The following DNAAF9 variants were observed in gnomAD, a reference collection of about 807,000 sequenced individuals.
DNAAF9 encodes the protein shulin.
Under a neutral mutation model 167.0 loss-of-function variants are expected in DNAAF9, and 90 were observed. That is an observed-to-expected ratio of 0.54 (90% CI 0.45 to 0.64). The LOEUF (loss-of-function observed/expected upper bound fraction) is 0.64, where lower values mean the gene tolerates loss of function less well. Ranked by LOEUF, DNAAF9 falls within the 30% of genes least tolerant of loss-of-function variation. DNAAF9 has a pLI of 0.00. For missense variants in DNAAF9, 1,315 were observed against 1,442.2 expected (o/e 0.91, Z 1.43); for synonymous variants, 491 against 508.8 (o/e 0.96, Z 0.47).
intron 6 of DNAAF9, chr20:3,361,782 T>G: frequency 9.0e-7 from 1 of 1,110,476 alleles, no homozygotes; most frequent in Admixed American, 2.6e-5. Context: ...TACTCTGAGG[T>G]CTACAAGACA....
At chr20:3,403,180 A>T (rs984398762) in intron 1 of DNAAF9, among the ~76,000 whole-genome samples, 3 of 151,944 alleles carry the variant, frequency 2.0e-5, no homozygotes, top group Non-Finnish European at 4.4e-5. Context: ...TCCCTTCCAC[A>T]TTGCCACATC....
rs115255701 is a variant in DNAAF9 at position 3,306,296 on chromosome 20, C to T, written c.1679-1753G>A. On this transcript the variant is annotated intron_variant, in intron 20 of 36. Coordinates refer to ENST00000252032, the MANE Select transcript of DNAAF9 (RefSeq NM_001009984.3). ...ATCCTCTGATGTCACTGAGCCTTCACAGTCATTGGTATTCGCATTTTCCCC... is the reference window on the plus strand; with the variant it reads ...ATCCTCTGATGTCACTGAGCCTTCATAGTCATTGGTATTCGCATTTTCCCC... 2.7e-3 allele frequency among the ~76,000 whole-genome samples: 412 copies of T among 152,310 alleles called. 1 individual carries two copies. Among genetic ancestry groups the T allele is most frequent in the African/African-American group, 9.3e-3 (386 of 41,572 alleles).
chr20:3,390,616 T>A (rs1359168295), intron 1 of DNAAF9, among the ~76,000 whole-genome samples: 1 of 152,162 alleles, frequency 6.6e-6, no homozygotes, highest in East Asian at 1.9e-4. Context: ...TTGCCCGCCT[T>A]GGCCTCCCAA....
At chr20:3,363,409 A>G (rs1247278422) in intron 6 of DNAAF9, among the ~76,000 whole-genome samples, 2 of 151,618 alleles carry the variant, frequency 1.3e-5, no homozygotes, top group African/African-American at 4.9e-5. Context: ...GGTTGCGGTG[A>G]GCCGAGACCA....
chr20:3,404,469 T>C (rs1438072729), intron 1 of DNAAF9, among the ~76,000 whole-genome samples: 1 of 152,246 alleles, frequency 6.6e-6, no homozygotes, highest in African/African-American at 2.4e-5. Context: ...CTGCCTTTTC[T>C]TCTTCTAGTG....
chr20:3,255,253 C>A lies in DNAAF9; in HGVS notation c.3293G>T (p.Gly1098Val). 1.3e-6 allele frequency: 2 copies of A among 1,551,112 alleles called. No homozygotes were observed. The highest frequency in any genetic ancestry group is 1.7e-6 in the Non-Finnish European group (2 of 1,146,568). Reference protein sequence around the residue: ...KPQRKALKTRGMLTQQEIRSI... With the variant: ...KPQRKALKTRVMLTQQEIRSI... ...CCTGATCTCCTGTTGCGTCAGCATC[C>A]CCCTGGTCTTCAGGGCTTTCCTCTG... Residue 1098 changes from glycine to valine, a missense_variant, in exon 35 of 37, where the codon GGG (glycine) becomes GTG (valine). This residue lies in a region of DNAAF9 where 334 missense variants were observed against 429.7 expected (regional missense o/e 0.78). Transcript: ENST00000252032.
At chr20:3,263,196 G>A (rs987584224) in intron 31 of DNAAF9, among the ~76,000 whole-genome samples, 6 of 151,934 alleles carry the variant, frequency 3.9e-5, no homozygotes, top group Non-Finnish European at 8.8e-5. Context: ...GGATGGTCTC[G>A]ATCTTCTGAC....
intron 6 of DNAAF9, among the ~76,000 whole-genome samples, chr20:3,372,562 T>C (rs755039886): frequency 6.6e-6 from 1 of 152,224 alleles, no homozygotes; most frequent in Non-Finnish European, 1.5e-5. Flanking sequence ...TGTGACTTCA[T>C]AGTGTGATGC....
In DNAAF9 at chr20:3,285,453, C is replaced by T. The variant is rs368461499; in HGVS notation, c.2486+2179G>A. On this transcript the variant is annotated intron_variant, in intron 27 of 36. Coordinates refer to ENST00000252032, the MANE Select transcript of DNAAF9 (RefSeq NM_001009984.3). ...CAGCACTCTGGGAGGCCAAGGCAGGCGGATCACTTGAGGTCAGGAGTTCAA... is the reference window on the plus strand; with the variant it reads ...CAGCACTCTGGGAGGCCAAGGCAGGTGGATCACTTGAGGTCAGGAGTTCAA... Among the ~76,000 whole-genome samples the T allele has an allele frequency of 2.8e-3, 422 of 152,118 alleles. 1 individual carries two copies. The highest frequency in any genetic ancestry group is 9.5e-3 in the African/African-American group (395 of 41,492).
intron 6 of DNAAF9, among the ~76,000 whole-genome samples, chr20:3,365,377 A>T (rs2083418157): frequency 1.6e-4 from 4 of 25,584 alleles, no homozygotes; most frequent in Admixed American, 1.0e-3. Context: ...ATAACATTTT[A>T]TTTATTTATT....
intron 20 of DNAAF9, among the ~76,000 whole-genome samples, chr20:3,305,619 T>C (rs1302941423): frequency 6.6e-6 from 1 of 152,144 alleles, no homozygotes; most frequent in African/African-American, 2.4e-5. Context: ...GGGTGAGGAA[T>C]CTGGAGACTG....
At chr20:3,294,319 A>C (rs2069024142) in intron 24 of DNAAF9, 63 bp from the exon 25 acceptor site, 1 of 1,131,108 alleles carries the variant, frequency 8.8e-7, no homozygotes, top group African/African-American at 1.6e-5. Flanking sequence ...GTGCCTACTC[A>C]CATGAAAAAG....
At position 3,271,225 on chromosome 20, in the gene DNAAF9, C is replaced by G. The variant is rs1027355115; in HGVS notation, c.2651-663G>C. On this transcript the variant is annotated intron_variant, in intron 29 of 36. Coordinates refer to ENST00000252032, the MANE Select transcript of DNAAF9 (RefSeq NM_001009984.3). ...CAGGAACTGGTGCCATTTACCTTCACCAGTTCAGAACAACACAATTATCAA... is the reference window on the plus strand; with the variant it reads ...CAGGAACTGGTGCCATTTACCTTCAGCAGTTCAGAACAACACAATTATCAA... 1.2e-4 allele frequency among the ~76,000 whole-genome samples: 18 copies of G among 152,294 alleles called. 1 individual carries two copies. Among genetic ancestry groups the G allele is most frequent in the Admixed American group, 9.8e-4 (15 of 15,284 alleles).
intron 10 of DNAAF9, 71 bp downstream of exon 10, chr20:3,340,433 T>TCCGGGGGGGGGGGCCCCCCCCCCCCCC: frequency 4.5e-6 from 1 of 221,214 alleles, no homozygotes; most frequent in Non-Finnish European, 9.5e-6. Flanking sequence ...TTTGTCTAGC[T>TCCGGGGGGGGGGGCCCCCCCCCCCCCC]CCCCCCACCC....
At position 3,281,769 on chromosome 20, in the gene DNAAF9, G is replaced by A. The variant is rs1354851728; in HGVS notation, c.2487-3C>T. ...CAACATCAATAACATCTGTGTAGCTGGGGAAGGTAAAAAAGGAATGATTAG... is the reference window on the plus strand; with the variant it reads ...CAACATCAATAACATCTGTGTAGCTAGGGAAGGTAAAAAAGGAATGATTAG... On this transcript the variant is annotated splice_polypyrimidine_tract_variant and splice_region_variant and intron_variant, in intron 27 of 36. Transcript: ENST00000252032. 7 of 1,606,744 alleles carry A rather than the reference G, an allele frequency of 4.4e-6. No homozygotes were observed. In the Admixed American group the frequency reaches 8.5e-5, roughly 20 times the overall value.
chr20:3,374,123 C>T lies in DNAAF9; in HGVS notation c.537G>A (p.Val179=), dbSNP rs1215774406. 6 of 1,613,328 alleles carry T rather than the reference C, an allele frequency of 3.7e-6. No individual in the cohort carries two copies. Among genetic ancestry groups the T allele is most frequent in the South Asian group, 1.1e-5 (1 of 91,072 alleles). ...AGGCCTGTACAATTGGCCATTTCTC[C>T]ACCACAAACATATCAAATATCTGCA... The part of the protein sequence containing the change: ...GHLQIFDMFV[V]EKWPIVQAFA... The change falls in exon 6 of 37, where the codon GTG becomes GTA. Residue 179 remains valine, a synonymous_variant. Coordinates refer to ENST00000252032, the MANE Select transcript of DNAAF9 (RefSeq NM_001009984.3).
intron 25 of DNAAF9, among the ~76,000 whole-genome samples, chr20:3,290,702 A>G (rs1343657177): frequency 1.3e-5 from 2 of 152,068 alleles, no homozygotes; most frequent in African/African-American, 4.8e-5. Flanking sequence ...GGTGTAGTAA[A>G]CTAGGGCAGA....
intron 1 of DNAAF9, among the ~76,000 whole-genome samples, chr20:3,395,263 G>A (rs1178739994): frequency 7.3e-6 from 1 of 137,174 alleles, no homozygotes; most frequent in Non-Finnish European, 1.6e-5. Flanking sequence ...GAGCCACCGC[G>A]CCTGGCCGAA....
At position 3,253,792 on chromosome 20, in the gene DNAAF9, C is replaced by A; in HGVS notation, c.3355G>T (p.Ala1119Ser). Residue 1119 changes from alanine (A) to serine (S), a missense_variant, in exon 36 of 37, where the codon GCA (alanine) becomes TCA (serine). Physicochemically the swap from Ala to Ser is moderately conservative, Grantham distance 99. Coordinates refer to ENST00000252032, the MANE Select transcript of DNAAF9 (RefSeq NM_001009984.3). ...HVKRHLEPLP[A>S]GYFYNGTQFV... Reference sequence around the variant, plus strand: ...TGGGTGCCATTATAAAAGTAGCCTGCAGGTAGGGGTTCCAAGTGGCGTTTT... The same window carrying A: ...TGGGTGCCATTATAAAAGTAGCCTGAAGGTAGGGGTTCCAAGTGGCGTTTT... 6.2e-7 allele frequency: 1 copy of A among 1,611,468 alleles called. No individual in the cohort carries two copies. The highest frequency in any genetic ancestry group is 8.5e-7 in the Non-Finnish European group (1 of 1,177,560).
Sources: gnomAD v4.1 joint callset for allele counts (sites outside exome capture counted in the v4.1 genomes callset) on GRCh38, gnomAD v4.1.1 for gene constraint, gnomAD v4.1.1 regional missense constraint, MANE v1.5 for transcripts, NCBI Gene and HGNC (gene_info 2026-07-23, HGNC 2026-07-21) for gene names.